PCDHGA1: variants seen among roughly 807,000 people sequenced by gnomAD.
PCDHGA1 encodes the protein protocadherin gamma-A1.
In PCDHGA1, 32 loss-of-function variants were observed where a neutral mutation model predicts 58.0. That is an observed-to-expected ratio of 0.55 (90% confidence interval 0.42 to 0.74). The LOEUF (loss-of-function observed/expected upper bound fraction) is 0.74, where lower values mean the gene tolerates loss of function less well. Among genes scored for constraint, PCDHGA1 ranks in the 30% least tolerant of loss-of-function variants. PCDHGA1 has a pLI of 0.00. For synonymous variants in PCDHGA1, 498 were observed against 501.1 expected (o/e 0.99, Z 0.08); for missense variants, 1,205 against 1,182.3 (o/e 1.02, Z -0.28).
intron 1 of PCDHGA1, chr5:141,351,301 C>G (rs1403926091): frequency 6.2e-7 from 1 of 1,613,870 alleles, no homozygotes; most frequent in African/African-American, 1.3e-5. Flanking sequence ...CATTCATGTC[C>G]TTCTCTAACC....
In PCDHGA1 at chr5:141,432,571, G is replaced by C; in HGVS notation, c.2422-62236G>C. On this transcript the variant is annotated intron_variant, in intron 1 of 3. Transcript: ENST00000517417. The surrounding 1 kb of genome is among the most constrained non-coding windows in gnomAD (Gnocchi z 6.0). ...GAGACTCCGGCCAGAACGCCTGGCT[G>C]TCCTACCGTCTGCTCAAGGCCAGCG... The C allele has an allele frequency of 6.2e-7, 1 of 1,613,954 alleles. No individual in the cohort carries two copies. The highest frequency in any genetic ancestry group is 8.5e-7 in the Non-Finnish European group (1 of 1,179,992).
chr5:141,397,287 G>A (rs2093504712), intron 1 of PCDHGA1, among the ~76,000 whole-genome samples: 1 of 152,134 alleles, frequency 6.6e-6, no homozygotes, highest in Admixed American at 6.5e-5. Flanking sequence ...CAGTATACTT[G>A]AATGAATATT....
intron 2 of PCDHGA1, among the ~76,000 whole-genome samples, chr5:141,501,236 G>T (rs571684337): frequency 5.5e-4 from 83 of 150,782 alleles, no homozygotes; most frequent in African/African-American, 2.0e-3. Context: ...TCAGTTTTTT[G>T]AGCATGATGT....
intron 1 of PCDHGA1, chr5:141,361,682 C>A (rs767724401): frequency 6.2e-7 from 1 of 1,613,466 alleles, no homozygotes; most frequent in African/African-American, 1.3e-5. Flanking sequence ...GTGGTGTTCG[C>A]GCAGCGCGCC....
In PCDHGA1 at chr5:141,494,676, C is replaced by T. The variant is rs2099755997; in HGVS notation, c.2422-131C>T. On this transcript the variant is annotated intron_variant, in intron 1 of 3. Transcript: ENST00000517417. ...TTTGTCTTTGGAGATGAGTCCACCCCTGCCCCCTCTTAGTCCGTTTTCTTC... is the reference window on the plus strand; with the variant it reads ...TTTGTCTTTGGAGATGAGTCCACCCTTGCCCCCTCTTAGTCCGTTTTCTTC... 1.7e-5 allele frequency: 26 copies of T among 1,550,800 alleles called. No individual in the cohort carries two copies. In the South Asian group the frequency reaches 3.0e-4, roughly 18 times the overall value.
chr5:141,376,347 A>T (rs1218451115), intron 1 of PCDHGA1: 1 of 1,614,056 alleles, frequency 6.2e-7, no homozygotes. Context: ...ACCTATTCCC[A>T]CGAGGTCTCA....
chr5:141,375,966 C>T lies in PCDHGA1; in HGVS notation c.2421+42861C>T, dbSNP rs373365863. ...GGCCTGCACACGGGCGAGGTGCGCACGGCGCGCGCCCTGCTGGACAGAGAC... is the reference window on the plus strand; with the variant it reads ...GGCCTGCACACGGGCGAGGTGCGCATGGCGCGCGCCCTGCTGGACAGAGAC... On this transcript the variant is annotated intron_variant, in intron 1 of 3. Transcript: ENST00000517417. 30 of 1,613,374 alleles carry T rather than the reference C, an allele frequency of 1.9e-5. No individual in the cohort carries two copies. The Admixed American group carries it at 2.3e-4, about 13-fold the overall frequency.
At chr5:141,370,656 G>A (rs768093721) in intron 1 of PCDHGA1, 1 of 1,613,852 alleles carries the variant, frequency 6.2e-7, no homozygotes, top group Non-Finnish European at 8.5e-7. Context: ...ACTTGTGAGC[G>A]ACCGTATAGA....
intron 1 of PCDHGA1, chr5:141,357,434 G>T: frequency 6.2e-7 from 1 of 1,614,214 alleles, no homozygotes; most frequent in Non-Finnish European, 8.5e-7. Flanking sequence ...GGCGTGGACG[G>T]GGTTCGGGCT....
intron 1 of PCDHGA1, chr5:141,413,903 C>T (rs1038159413): frequency 2.5e-6 from 4 of 1,613,308 alleles, no homozygotes; most frequent in Non-Finnish European, 3.4e-6. Flanking sequence ...AATGACAACG[C>T]GCCGGTCTTC....
intron 1 of PCDHGA1, among the ~76,000 whole-genome samples, chr5:141,482,089 CA>C (rs36035257): frequency 0.43 from 58,297 of 134,322 alleles, 12,050 homozygotes; most frequent in African/African-American, 0.53. Context: ...CACTCCATCT[CA>C]AAAAAAAAAA....
intron 1 of PCDHGA1, chr5:141,360,166 G>A: frequency 6.2e-7 from 1 of 1,607,924 alleles, no homozygotes; most frequent in Non-Finnish European, 8.5e-7. Context: ...GTGCGGGCTG[G>A]TGCGGTGGCT....
chr5:141,428,479 T>A (rs577865239), intron 1 of PCDHGA1: 1 of 328,682 alleles, frequency 3.0e-6, no homozygotes, highest in African/African-American at 2.1e-5. Flanking sequence ...TTTGCTTTAT[T>A]CCTGCAATCT....
chr5:141,507,365 C>G (rs1279257057), intron 3 of PCDHGA1: 1 of 152,092 alleles, frequency 6.6e-6, no homozygotes, highest in African/African-American at 2.4e-5. Context: ...ACTGGGAGCC[C>G]TGTACTTTTA....
chr5:141,389,074 G>C (rs1561622860), intron 1 of PCDHGA1: 11 of 1,614,030 alleles, frequency 6.8e-6, no homozygotes, highest in Non-Finnish European at 9.3e-6. Context: ...ACTTCTTCAA[G>C]AAACACGTAT....
At chr5:141,465,757 T>C (rs2099108578) in intron 1 of PCDHGA1, among the ~76,000 whole-genome samples, 1 of 152,046 alleles carries the variant, frequency 6.6e-6, no homozygotes, top group South Asian at 2.1e-4. Context: ...ACTGGTAAAG[T>C]CATGTTTCAT....
chr5:141,376,016 G>A, intron 1 of PCDHGA1: 7 of 1,613,318 alleles, frequency 4.3e-6, no homozygotes, highest in Non-Finnish European at 5.9e-6. Flanking sequence ...CCTAGTGGTG[G>A]CCGTCCAGGA....
chr5:141,392,897 G>T (rs2150498343), intron 1 of PCDHGA1: 6 of 1,613,776 alleles, frequency 3.7e-6, no homozygotes, highest in Non-Finnish European at 5.1e-6. Flanking sequence ...AAATCGGGAG[G>T]GGACAGATTC....
chr5:141,418,313 A>G (rs750036471), intron 1 of PCDHGA1: 2 of 1,614,038 alleles, frequency 1.2e-6, no homozygotes, highest in Middle Eastern at 1.6e-4. Context: ...GGGGATGGGA[A>G]CAATTCTTGA....
Sources: allele counts gnomAD v4.1 joint callset (sites outside exome capture counted in the v4.1 genomes callset), GRCh38; gene constraint gnomAD v4.1.1; non-coding constraint Gnocchi (gnomAD v3.1); transcripts MANE v1.5; gene names NCBI Gene and HGNC (gene_info 2026-07-23, HGNC 2026-07-21).